KCNH1: variants seen among roughly 807,000 people sequenced by gnomAD.
KCNH1 encodes potassium voltage-gated channel subfamily H member 1, also known as voltage-gated delayed rectifier potassium channel KCNH1.
In KCNH1, 27 loss-of-function variants were observed where a neutral mutation model predicts 69.2. The observed-to-expected ratio is 0.39, with a 90% confidence interval of 0.29 to 0.54. KCNH1 has a LOEUF of 0.54. KCNH1 is among the 20% of genes least tolerant of loss of function. The pLI is 0.68. For synonymous variants in KCNH1, 456 were observed against 487.7 expected (o/e 0.93, Z 0.86); for missense variants, 798 against 1,261.6 (o/e 0.63, Z 5.57).
At chr1:210,810,544 T>C (rs1337805917) in intron 7 of KCNH1, among the ~76,000 whole-genome samples, 1 of 152,160 alleles carries the variant, frequency 6.6e-6, no homozygotes, top group African/African-American at 2.4e-5. Context: ...ATTGATCTCA[T>C]TTTCTTATTT....
chr1:211,050,989 T>TTTGTTGTTGTTGTTGTTGTTGTTGTTG (rs6143600), intron 5 of KCNH1, among the ~76,000 whole-genome samples: 1 of 150,384 alleles, frequency 6.6e-6, no homozygotes, highest in African/African-American at 2.5e-5. Flanking sequence ...ATATTTTTGT[T>TTTGTTGTTGTTGTTGTTGTTGTTGTTG]TTGTTGTTGT....
chr1:210,970,393 A>G (rs1409289780), intron 6 of KCNH1, among the ~76,000 whole-genome samples: 1 of 151,280 alleles, frequency 6.6e-6, no homozygotes, highest in African/African-American at 2.4e-5. Context: ...TTAGTTTCCC[A>G]TTCCTGTGTG....
chr1:210,752,339 G>A (rs529002366), intron 10 of KCNH1, among the ~76,000 whole-genome samples: 18 of 152,266 alleles, frequency 1.2e-4, no homozygotes, highest in South Asian at 1.0e-3. Flanking sequence ...CCTGGCAGCC[G>A]GAAGCTCTAA....
At chr1:210,996,951 T>C (rs1385879091) in intron 6 of KCNH1, among the ~76,000 whole-genome samples, 1 of 152,176 alleles carries the variant, frequency 6.6e-6, no homozygotes, top group East Asian at 1.9e-4. Flanking sequence ...ACCTGAGGGT[T>C]CTGTCTGTTA....
intron 7 of KCNH1, among the ~76,000 whole-genome samples, chr1:210,844,904 T>A (rs1306747310): frequency 2.6e-5 from 4 of 152,024 alleles, no homozygotes; most frequent in Admixed American, 2.6e-4. Context: ...ATATCACCAC[T>A]GATCCCACAG....
At chr1:211,125,262 T>C (rs1558615212) in intron 1 of KCNH1, among the ~76,000 whole-genome samples, 2 of 152,126 alleles carry the variant, frequency 1.3e-5, no homozygotes. Context: ...TCTATACAGG[T>C]CAGCCTCCCA....
At chr1:210,707,822 C>T (rs1681950520) in intron 10 of KCNH1, among the ~76,000 whole-genome samples, 1 of 152,162 alleles carries the variant, frequency 6.6e-6, no homozygotes, top group African/African-American at 2.4e-5. Context: ...GGACAGAACA[C>T]ATAAAAGGAG....
chr1:210,802,490 A>G (rs1684449621), intron 8 of KCNH1, among the ~76,000 whole-genome samples: 1 of 152,232 alleles, frequency 6.6e-6, no homozygotes, highest in Non-Finnish European at 1.5e-5. Context: ...ACTGAGAAGC[A>G]GAGAATGAAT....
In KCNH1 at chr1:211,002,269, C is replaced by CAT. The variant is rs1320503404; in HGVS notation, c.1032+16512_1032+16513dup. ...ATACGTATATATATACACACACACACATATATATACGTATGTATACATGTA... is the reference window on the plus strand; with the variant it reads ...ATACGTATATATATACACACACACACATATATATATACGTATGTATACATGTA... On this transcript the variant is annotated intron_variant, in intron 6 of 10. Transcript: ENST00000271751. 5.3e-4 allele frequency among the ~76,000 whole-genome samples: 78 copies of CAT among 146,690 alleles called. No individual in the cohort carries two copies. In the East Asian group the frequency reaches 8.6e-3, roughly 16 times the overall value.
At chr1:210,930,213 C>T (rs1263671661) in intron 6 of KCNH1, among the ~76,000 whole-genome samples, 2 of 152,200 alleles carry the variant, frequency 1.3e-5, no homozygotes, top group African/African-American at 4.8e-5. Flanking sequence ...AGAGAGAGCC[C>T]ACATAGCCAA....
rs376322133 is a variant in KCNH1 at position 210,861,947 on chromosome 1, T to C, written c.1462+57693A>G. On this transcript the variant is annotated intron_variant, in intron 7 of 10. Transcript: ENST00000271751. Reference sequence around the variant, plus strand: ...TAATCACGTTTGGTGATGTGATGAATGCATGTAGTAAGCTGTACCCTGATG... The same window carrying C: ...TAATCACGTTTGGTGATGTGATGAACGCATGTAGTAAGCTGTACCCTGATG... The C allele has an allele frequency of 6.6e-6, 5 of 762,386 alleles. No individual in the cohort carries two copies. The East Asian group carries it at 9.8e-5, about 15-fold the overall frequency. 47.2% of individuals were successfully genotyped at this position (762,386 alleles called of 1,614,324 possible). A position where few individuals can be genotyped will look rare whatever the true frequency, so the allele number is the denominator to read the frequency against.
intron 1 of KCNH1, among the ~76,000 whole-genome samples, chr1:211,119,263 G>A (rs866785813): frequency 6.6e-6 from 1 of 152,100 alleles, no homozygotes; most frequent in South Asian, 2.1e-4. Context: ...AGGAGGCTGA[G>A]GCAGGAGAAT....
At chr1:210,978,237 A>G (rs1450663828) in intron 6 of KCNH1, among the ~76,000 whole-genome samples, 2 of 151,946 alleles carry the variant, frequency 1.3e-5, no homozygotes, top group Admixed American at 1.3e-4. Flanking sequence ...ACAGGGTTTC[A>G]CCATGTTAGC....
At chr1:211,031,277 G>C (rs1188098048) in intron 5 of KCNH1, among the ~76,000 whole-genome samples, 1 of 152,078 alleles carries the variant, frequency 6.6e-6, no homozygotes, top group African/African-American at 2.4e-5. Flanking sequence ...AAAAAGTCCA[G>C]AACCAGATGG....
intron 5 of KCNH1, among the ~76,000 whole-genome samples, chr1:211,036,550 C>T (rs1482746902): frequency 6.6e-6 from 1 of 152,188 alleles, no homozygotes; most frequent in East Asian, 1.9e-4. Flanking sequence ...AGGTTAGTGT[C>T]CTCCAAAGGG....
chr1:210,787,839 A>G (rs1403845523), intron 9 of KCNH1, among the ~76,000 whole-genome samples: 1 of 152,252 alleles, frequency 6.6e-6, no homozygotes, highest in East Asian at 1.9e-4. Flanking sequence ...TCTGTCCCTA[A>G]AAGTATTAAA....
Position 211,111,020 on chromosome 1 carries a change from C to A in KCNH1, c.80-3643G>T, listed in dbSNP as rs182167270. Among the ~76,000 whole-genome samples the A allele has an allele frequency of 1.0e-3, 154 of 152,048 alleles. 1 individual carries two copies. The highest frequency in any genetic ancestry group is 1.9e-3 in the Admixed American group (29 of 15,286). On this transcript the variant is annotated intron_variant, in intron 1 of 10. Coordinates refer to ENST00000271751, the MANE Select transcript of KCNH1 (RefSeq NM_172362.3). ...TTACATTACATTACAAGCTCTTCTGCTTGATTTTTGTAAACATGAACTTAC... is the reference window on the plus strand; with the variant it reads ...TTACATTACATTACAAGCTCTTCTGATTGATTTTTGTAAACATGAACTTAC...
intron 6 of KCNH1, among the ~76,000 whole-genome samples, chr1:210,966,553 GC>G (rs1308164842): frequency 2.6e-5 from 4 of 152,140 alleles, no homozygotes; most frequent in Non-Finnish European, 5.9e-5. Context: ...CAAAAAGTGG[GC>G]AAAGGATATG....
chr1:210,836,396 G>T (rs1284138880), intron 7 of KCNH1, among the ~76,000 whole-genome samples: 1 of 152,164 alleles, frequency 6.6e-6, no homozygotes, highest in Non-Finnish European at 1.5e-5. Context: ...CATTAAGCCT[G>T]CCAGGAAATT....
Sources: gnomAD v4.1 joint callset for allele counts (sites outside exome capture counted in the v4.1 genomes callset) on GRCh38, gnomAD v4.1.1 for gene constraint, MANE v1.5 for transcripts, NCBI Gene and HGNC (gene_info 2026-07-23, HGNC 2026-07-21) for gene names.